The following IFNAR1 variants were observed in gnomAD, a reference collection of about 807,000 sequenced individuals.
IFNAR1 encodes the protein interferon alpha and beta receptor subunit 1.
IFNAR1 carries 47 observed loss-of-function variants against 62.1 expected under a neutral mutation model. That is an observed-to-expected ratio of 0.76 (90% CI 0.60 to 0.97). IFNAR1 has a LOEUF of 0.97. IFNAR1 is among the 50% of genes least tolerant of loss of function. The pLI is 0.00. For synonymous variants in IFNAR1, 219 were observed against 226.9 expected (o/e 0.97, Z 0.31); for missense variants, 638 against 654.5 (o/e 0.97, Z 0.27).
At chr21:33,340,866 C>A in intron 2 of IFNAR1, 133 bp from the exon 3 acceptor site, 3 of 605,466 alleles carry the variant, frequency 5.0e-6, no homozygotes, top group Non-Finnish European at 5.7e-6. Context: ...ACTCTTAAAC[C>A]AAAAATAGAA....
In IFNAR1 at chr21:33,327,597, C is replaced by G. The variant is rs17875762; in HGVS notation, c.76+2466C>G. 8.4e-3 allele frequency among the ~76,000 whole-genome samples: 1,286 copies of G among 152,266 alleles called. 23 individuals carry two copies. Among genetic ancestry groups the G allele is most frequent in the African/African-American group, 0.029 (1,224 of 41,552 alleles). On this transcript the variant is annotated intron_variant, in intron 1 of 10. Transcript: ENST00000270139. The stretch of plus-strand genomic sequence containing the variant: ...TCCCAAAGGCCAAACAATTTAAATT[C>G]CTGATTGTCCACTTGTATGTTAAGG...
At chr21:33,352,009 G>A (rs866692242) in intron 8 of IFNAR1, among the ~76,000 whole-genome samples, 7 of 152,076 alleles carry the variant, frequency 4.6e-5, no homozygotes, top group South Asian at 4.1e-4. Context: ...TTATTCTGGC[G>A]ATAGCTGACT....
chr21:33,337,822 T>G (rs1221359660), intron 2 of IFNAR1, among the ~76,000 whole-genome samples: 1 of 108,986 alleles, frequency 9.2e-6, no homozygotes, highest in African/African-American at 3.5e-5. Context: ...ATATGACTTT[T>G]CTCAGAATTG....
intron 1 of IFNAR1, chr21:33,334,831 G>A (rs1260487631): frequency 1.0e-6 from 1 of 957,834 alleles, no homozygotes; most frequent in Non-Finnish European, 1.7e-6. Context: ...CCCAGGTGGT[G>A]ATCCAGGGTG....
At chr21:33,331,971 C>G (rs1049290793) in intron 1 of IFNAR1, among the ~76,000 whole-genome samples, 5 of 152,162 alleles carry the variant, frequency 3.3e-5, no homozygotes, top group African/African-American at 9.7e-5. Context: ...ACGTCCAAGC[C>G]CTGCCACAGA....
intron 1 of IFNAR1, among the ~76,000 whole-genome samples, chr21:33,333,424 A>G (rs2083199705): frequency 6.6e-6 from 1 of 152,158 alleles, no homozygotes; most frequent in Non-Finnish European, 1.5e-5. Context: ...CAGATACACA[A>G]AGGAGAAAGA....
rs1432032299 is a variant in IFNAR1 at position 33,343,346 on chromosome 21, A to T, written c.455A>T (p.Asp152Val). 6.2e-7 allele frequency: 1 copy of T among 1,612,284 alleles called. No homozygotes were observed. Among genetic ancestry groups the T allele is most frequent in the Non-Finnish European group, 8.5e-7 (1 of 1,178,358 alleles). Residue 152 changes from aspartate (D) to valine (V), a missense_variant, in exon 4 of 11, where the codon GAT becomes GTT. By Grantham distance (152) the Asp-to-Val change is radical. Transcript: ENST00000270139. ...ATACACATCTCTCCTGGAACAAAAG[A>T]TAGTGTTATGTGGGCTTTGGATGGT... is the stretch of plus-strand genomic sequence containing the variant. Reference protein sequence around the residue: ...IVIHISPGTKDSVMWALDGLS... With the variant: ...IVIHISPGTKVSVMWALDGLS...
At chr21:33,353,019 T>C in intron 9 of IFNAR1, 111 bp downstream of exon 9, 1 of 670,022 alleles carries the variant, frequency 1.5e-6, no homozygotes, top group Non-Finnish European at 2.3e-6. Context: ...AAAAAATATA[T>C]AGAAAGAATG....
intron 2 of IFNAR1, among the ~76,000 whole-genome samples, chr21:33,337,686 C>CTGTATACATATACACACATTG (rs2083252220): frequency 1.2e-4 from 7 of 58,536 alleles, no homozygotes; most frequent in African/African-American, 2.6e-4. Context: ...ATAATACATA[C>CTGTATACATATACACACATTG]TGTATACATA....
At chr21:33,333,471 A>G (rs189315253) in intron 1 of IFNAR1, among the ~76,000 whole-genome samples, 24 of 152,262 alleles carry the variant, frequency 1.6e-4, no homozygotes, top group African/African-American at 2.2e-4. Flanking sequence ...TCAAACCACA[A>G]TGATAAATAA....
chr21:33,355,554 A>G lies in IFNAR1; in HGVS notation c.*5A>G. 1 of 1,495,672 alleles carries G rather than the reference A, an allele frequency of 6.7e-7. No individual in the cohort carries two copies. Among genetic ancestry groups the G allele is most frequent in the African/African-American group, 1.4e-5 (1 of 71,456 alleles). The allele number at this position is 1,495,672 out of a possible 1,614,324, so 92.7% of individuals were successfully genotyped here. A position where few individuals can be genotyped will look rare whatever the true frequency, so the allele number is the denominator to read the frequency against. ...CTACAGCAGGACTTTGTATGACCAGAAATGAACTGTGTCAAGTATAAGGTT... is the reference window on the plus strand; with the variant it reads ...CTACAGCAGGACTTTGTATGACCAGGAATGAACTGTGTCAAGTATAAGGTT... On this transcript the variant is annotated 3_prime_UTR_variant, in exon 11 of 11. Transcript: ENST00000270139.
In IFNAR1 at chr21:33,325,128, G is replaced by A; in HGVS notation, c.73G>A (p.Ala25Thr). The change falls in exon 1 of 11, where the codon GCA becomes ACA. Residue 25 changes from alanine to threonine, a missense_variant. By Grantham distance (58) the Ala-to-Thr change is moderately conservative (BLOSUM62 0). Coordinates refer to ENST00000270139, the MANE Select transcript of IFNAR1 (RefSeq NM_000629.3). ...GGCGCCATGGGTGTTGTCCGCAGCC[G>A]CAGGTGAGAGGCGGGGAGGAGAGTC... Reference protein sequence around the residue: ...AVAPWVLSAAAGGKNLKSPQK... With the variant: ...AVAPWVLSAATGGKNLKSPQK... 2 of 1,610,682 alleles carry A rather than the reference G, an allele frequency of 1.2e-6. No individual in the cohort carries two copies. The highest frequency in any genetic ancestry group is 8.5e-7 in the Non-Finnish European group (1 of 1,179,146).
At chr21:33,334,639 G>A (rs2083215585) in intron 1 of IFNAR1, 4 of 685,150 alleles carry the variant, frequency 5.8e-6, no homozygotes, top group Admixed American at 4.0e-5. Flanking sequence ...ATTCAGGCAG[G>A]TGCAATGGCT....
chr21:33,346,139 T>C (rs906089059), intron 6 of IFNAR1, among the ~76,000 whole-genome samples: 1 of 152,140 alleles, frequency 6.6e-6, no homozygotes, highest in Non-Finnish European at 1.5e-5. Context: ...GAACTGCATG[T>C]AGTTTATATT....
At chr21:33,350,233 T>C (rs1330761717) in intron 8 of IFNAR1, among the ~76,000 whole-genome samples, 4 of 150,026 alleles carry the variant, frequency 2.7e-5, no homozygotes, top group Admixed American at 1.3e-4. Flanking sequence ...TTCTGGTTTC[T>C]GCCTACTAGA....
chr21:33,345,152 C>T, intron 5 of IFNAR1, 94 bp from the exon 6 acceptor site: 1 of 675,738 alleles, frequency 1.5e-6, no homozygotes, highest in East Asian at 2.7e-5. Context: ...TAACTATTAC[C>T]TTATAATGAT....
At chr21:33,331,975 C>G (rs887950240) in intron 1 of IFNAR1, among the ~76,000 whole-genome samples, 9 of 152,154 alleles carry the variant, frequency 5.9e-5, no homozygotes, top group African/African-American at 2.2e-4. Context: ...CCAAGCCCTG[C>G]CACAGAGAGC....
chr21:33,329,094 T>C (rs1381778407), intron 1 of IFNAR1, among the ~76,000 whole-genome samples: 2 of 152,210 alleles, frequency 1.3e-5, no homozygotes, highest in African/African-American at 4.8e-5. Flanking sequence ...AATGCCAACA[T>C]GCCTGTAACT....
At chr21:33,344,741 A>G (rs1265686020) in intron 5 of IFNAR1, among the ~76,000 whole-genome samples, 1 of 144,326 alleles carries the variant, frequency 6.9e-6, no homozygotes, top group Admixed American at 6.9e-5. Flanking sequence ...GATCTTAGCC[A>G]TCTATTGCAT....
Sources: allele counts gnomAD v4.1 joint callset (sites outside exome capture counted in the v4.1 genomes callset), GRCh38; gene constraint gnomAD v4.1.1; transcripts MANE v1.5; gene names NCBI Gene and HGNC (gene_info 2026-07-23, HGNC 2026-07-21).